Variants in MED27 observed in about 807,000 individuals in gnomAD.
MED27 encodes the protein mediator complex subunit 27.
A neutral mutation model predicts 38.2 loss-of-function variants in MED27; 30 were observed. That is an observed-to-expected ratio of 0.79 (90% confidence interval 0.59 to 1.07). The LOEUF is 1.07. MED27 is among the 50% of genes least tolerant of loss of function. The pLI, the probability that MED27 is intolerant of heterozygous loss-of-function variation, is 0.00. For synonymous variants in MED27, 122 were observed against 153.5 expected, an observed-to-expected ratio of 0.79 and a Z score of 1.52; for missense variants, 289 against 397.5, an observed-to-expected ratio of 0.73 and a Z score of 2.32.
chr9:131,911,629 T>C (rs750676010), intron 4 of MED27, among the ~76,000 whole-genome samples: 17 of 152,340 alleles, frequency 1.1e-4, no homozygotes, highest in South Asian at 2.1e-4. Context: ...GTTTTAACCT[T>C]TGATTCTAGA....
intron 2 of MED27, among the ~76,000 whole-genome samples, chr9:132,022,881 T>C (rs538416238): frequency 6.6e-6 from 1 of 152,190 alleles, no homozygotes; most frequent in East Asian, 1.9e-4. Context: ...CTCACTATCA[T>C]GAGAATAGCA....
chr9:132,017,611 T>C lies in MED27; in HGVS notation c.349-3144A>G, dbSNP rs570167622. Among the ~76,000 whole-genome samples the C allele has an allele frequency of 2.9e-4, 44 of 152,330 alleles. No individual in the cohort carries two copies. The South Asian group carries it at 8.5e-3, about 29-fold the overall frequency. On this transcript the variant is annotated intron_variant, in intron 2 of 7. Transcript: ENST00000292035. ...CAAGTGCGGGGAATGGGAGTGTTTA[T>C]GTGCTGAGTTGGAGGGGAAGGTTCG...
rs532696486 is a variant in MED27, at chr9:131,953,276, C to T, written c.480-13802G>A. ...TTATTTCCCCTTCCTTCCTAAAGTG[C>T]CCTGGCACCTCCAAACTGTAGCCAC... On this transcript the variant is annotated intron_variant, in intron 3 of 7. Transcript: ENST00000292035. 4.6e-5 allele frequency among the ~76,000 whole-genome samples: 7 copies of T among 152,338 alleles called. No individual in the cohort carries two copies. In the East Asian group the frequency reaches 1.3e-3, roughly 29 times the overall value.
chr9:132,043,089 A>C (rs879577948), intron 2 of MED27, among the ~76,000 whole-genome samples: 2 of 152,198 alleles, frequency 1.3e-5, no homozygotes, highest in Admixed American at 6.5e-5. Flanking sequence ...CTTCAGAAAA[A>C]ATCTATATAG....
intron 2 of MED27, among the ~76,000 whole-genome samples, chr9:132,038,655 T>A (rs991597311): frequency 2.0e-4 from 30 of 152,252 alleles, no homozygotes; most frequent in African/African-American, 6.8e-4. Context: ...ATGTTAAATG[T>A]GGTGCTTACT....
chr9:132,041,681 T>A (rs1015893654), intron 2 of MED27, among the ~76,000 whole-genome samples: 1 of 152,236 alleles, frequency 6.6e-6, no homozygotes, highest in Non-Finnish European at 1.5e-5. Context: ...GATTACTTTT[T>A]AAATTTTTAA....
intron 3 of MED27, among the ~76,000 whole-genome samples, chr9:132,006,898 T>G (rs11243594): frequency 6.6e-6 from 1 of 152,198 alleles, no homozygotes; most frequent in African/African-American, 2.4e-5. Flanking sequence ...AAAAACAACA[T>G]GAGCCTCTGA....
intron 4 of MED27, among the ~76,000 whole-genome samples, chr9:131,925,221 G>A (rs1170937512): frequency 6.6e-6 from 1 of 152,198 alleles, no homozygotes; most frequent in Non-Finnish European, 1.5e-5. Context: ...GTTCTGAGCA[G>A]GACTGTTTAT....
At chr9:131,896,801 G>A (rs1829839865) in intron 4 of MED27, among the ~76,000 whole-genome samples, 1 of 151,978 alleles carries the variant, frequency 6.6e-6, no homozygotes, top group African/African-American at 2.4e-5. Flanking sequence ...GTGCCATCTC[G>A]GCTCACTGTA....
chr9:131,989,679 A>G (rs1831929118), intron 3 of MED27, among the ~76,000 whole-genome samples: 1 of 152,158 alleles, frequency 6.6e-6, no homozygotes, highest in African/African-American at 2.4e-5. Context: ...AACATACCCA[A>G]GAGTAGAGAG....
intron 4 of MED27, among the ~76,000 whole-genome samples, chr9:131,919,208 T>C (rs1830345981): frequency 6.6e-6 from 1 of 152,164 alleles, no homozygotes; most frequent in African/African-American, 2.4e-5. Flanking sequence ...CTCCAAAAGA[T>C]AAAAAGCCAA....
intron 4 of MED27, among the ~76,000 whole-genome samples, chr9:131,915,156 G>A (rs1830266548): frequency 6.6e-6 from 1 of 152,182 alleles, no homozygotes; most frequent in Admixed American, 6.5e-5. Context: ...AAGACCAAAA[G>A]CTGAGCTCCC....
chr9:131,906,678 AG>A (rs1278511693), intron 4 of MED27, among the ~76,000 whole-genome samples: 1 of 152,240 alleles, frequency 6.6e-6, no homozygotes, highest in Non-Finnish European at 1.5e-5. Context: ...GTTACTGAAA[AG>A]GGATCCTGAT....
At chr9:132,014,568 G>C (rs1018881039) in intron 2 of MED27, 101 bp from the exon 3 acceptor site, 1 of 1,230,032 alleles carries the variant, frequency 8.1e-7, no homozygotes, top group Non-Finnish European at 1.1e-6. Context: ...TATCCCCTTA[G>C]AACATTTTAA....
intron 3 of MED27, among the ~76,000 whole-genome samples, chr9:131,963,334 A>T (rs896903365): frequency 3.9e-5 from 6 of 152,170 alleles, no homozygotes; most frequent in Non-Finnish European, 8.8e-5. Flanking sequence ...ATGGCCAGAA[A>T]TTAAGTTTAG....
intron 4 of MED27, among the ~76,000 whole-genome samples, chr9:131,920,811 T>C (rs2030791964): frequency 1.3e-5 from 2 of 151,920 alleles, no homozygotes; most frequent in Admixed American, 6.6e-5. Context: ...TCAGGGCAGA[T>C]GATGGGCTGT....
intron 2 of MED27, among the ~76,000 whole-genome samples, chr9:132,037,873 C>T (rs902154882): frequency 5.9e-5 from 9 of 152,148 alleles, no homozygotes; most frequent in African/African-American, 2.2e-4. Flanking sequence ...GCACCTAGAT[C>T]TCTAGATCTA....
intron 5 of MED27, among the ~76,000 whole-genome samples, chr9:131,892,264 ACT>A (rs1294809709): frequency 1.3e-5 from 2 of 152,198 alleles, no homozygotes; most frequent in East Asian, 3.9e-4. Flanking sequence ...TACCTCTGAG[ACT>A]CTATATTTCA....
chr9:131,914,487 G>A (rs906905084), intron 4 of MED27, among the ~76,000 whole-genome samples: 2 of 152,194 alleles, frequency 1.3e-5, no homozygotes, highest in Non-Finnish European at 2.9e-5. Flanking sequence ...CATTCAGCAC[G>A]AGCCAGGTGC....
Sources: gnomAD v4.1 joint callset for allele counts (sites outside exome capture counted in the v4.1 genomes callset) on GRCh38, gnomAD v4.1.1 for gene constraint, MANE v1.5 for transcripts, NCBI Gene and HGNC (gene_info 2026-07-23, HGNC 2026-07-21) for gene names.